SPHKAP: variants seen among roughly 807,000 people sequenced by gnomAD.
SPHKAP encodes SPHK1 interactor, AKAP domain containing.
A neutral mutation model predicts 137.5 loss-of-function variants in SPHKAP; 67 were observed. That is an observed-to-expected ratio of 0.49 (90% CI 0.40 to 0.60). The LOEUF is 0.60. Among genes scored for constraint, SPHKAP ranks in the 20% least tolerant of loss-of-function variants. The probability of loss-of-function intolerance (pLI) is 0.00; values close to 1 mark genes in which losing one functional copy is unlikely to be tolerated. For synonymous variants in SPHKAP, 813 were observed against 785.3 expected (o/e 1.04, Z -0.59); for missense variants, 2,097 against 2,069.3 (o/e 1.01, Z -0.26).
intron 11 of SPHKAP, chr2:227,982,491 G>T: frequency 2.5e-6 from 1 of 396,652 alleles, no homozygotes; most frequent in Non-Finnish European, 3.4e-6. Flanking sequence ...TAGAGAGAAA[G>T]TCTGGACTGC....
At chr2:228,085,977 C>G (rs192964255) in intron 3 of SPHKAP, among the ~76,000 whole-genome samples, 125 of 152,232 alleles carry the variant, frequency 8.2e-4, no homozygotes, top group African/African-American at 2.9e-3. Flanking sequence ...CTACCTCTAA[C>G]AGAAGACATG....
chr2:227,996,055 G>A, intron 7 of SPHKAP: 1 of 984,330 alleles, frequency 1.0e-6, no homozygotes, highest in Non-Finnish European at 1.2e-6. Context: ...CAGTGTTTCT[G>A]GAAGGAGGTC....
At chr2:228,003,629 C>T (rs1405659261) in intron 7 of SPHKAP, among the ~76,000 whole-genome samples, 1 of 152,176 alleles carries the variant, frequency 6.6e-6, no homozygotes, top group Non-Finnish European at 1.5e-5. Flanking sequence ...AAGGGCATCC[C>T]TGTCTTGTGC....
intron 1 of SPHKAP, among the ~76,000 whole-genome samples, chr2:228,170,670 C>T (rs1221360772): frequency 1.3e-5 from 2 of 152,078 alleles, no homozygotes; most frequent in East Asian, 3.8e-4. Context: ...TATGGTTTTA[C>T]ACATAATACT....
intron 3 of SPHKAP, among the ~76,000 whole-genome samples, chr2:228,028,806 A>G (rs1464661150): frequency 6.6e-6 from 1 of 152,230 alleles, no homozygotes; most frequent in Non-Finnish European, 1.5e-5. Flanking sequence ...TTCTCATAAC[A>G]TGTCCCTAAC....
In SPHKAP at chr2:228,053,541, G is replaced by T. The variant is rs879607118; in HGVS notation, c.247-25998C>A. ...GCTGGGGGGAGTGTCTTAGTGGATA[G>T]ATTTTCACTTAAACTCATTTTTCAG... On this transcript the variant is annotated intron_variant, in intron 3 of 11. Coordinates refer to ENST00000392056, the MANE Select transcript of SPHKAP (RefSeq NM_001142644.2). Among the ~76,000 whole-genome samples, 4 of 152,006 alleles carry T rather than the reference G, an allele frequency of 2.6e-5. No homozygotes were observed. In the East Asian group the frequency reaches 7.7e-4, roughly 29 times the overall value.
intron 5 of SPHKAP, among the ~76,000 whole-genome samples, chr2:228,024,350 T>G (rs893850383): frequency 1.6e-5 from 2 of 124,958 alleles, no homozygotes; most frequent in African/African-American, 6.4e-5. Flanking sequence ...CAGTTTTTTT[T>G]TTTTTTTTTT....
intron 1 of SPHKAP, among the ~76,000 whole-genome samples, chr2:228,167,205 G>C (rs1700446586): frequency 6.6e-6 from 1 of 152,158 alleles, no homozygotes; most frequent in Admixed American, 6.5e-5. Context: ...TCTCTGAATA[G>C]TGAATCTCTT....
chr2:228,095,752 T>C (rs1574845435), intron 3 of SPHKAP, among the ~76,000 whole-genome samples: 1 of 152,070 alleles, frequency 6.6e-6, no homozygotes, highest in East Asian at 1.9e-4. Flanking sequence ...TAAAGGACAG[T>C]TGGAGAAACG....
intron 3 of SPHKAP, among the ~76,000 whole-genome samples, chr2:228,092,276 T>C (rs1697789247): frequency 7.0e-6 from 1 of 143,316 alleles, no homozygotes; most frequent in African/African-American, 2.6e-5. Flanking sequence ...CACACACACG[T>C]GTATGTGCGT....
intron 3 of SPHKAP, among the ~76,000 whole-genome samples, chr2:228,059,771 C>G (rs1471378520): frequency 4.6e-5 from 7 of 152,170 alleles, no homozygotes; most frequent in Non-Finnish European, 1.0e-4. Flanking sequence ...CTCAGTGTTA[C>G]AGGGAGTACA....
intron 4 of SPHKAP, among the ~76,000 whole-genome samples, chr2:228,026,109 A>G (rs1052696709): frequency 6.6e-6 from 1 of 152,116 alleles, no homozygotes; most frequent in African/African-American, 2.4e-5. Flanking sequence ...GCTGCCATCC[A>G]CATGAGATGT....
At chr2:228,105,914 G>A (rs2106344195) in intron 3 of SPHKAP, among the ~76,000 whole-genome samples, 1 of 152,096 alleles carries the variant, frequency 6.6e-6, no homozygotes, top group East Asian at 1.9e-4. Context: ...CATGTAAACA[G>A]ACTAATACAC....
At chr2:228,043,231 C>T (rs143625607) in intron 3 of SPHKAP, among the ~76,000 whole-genome samples, 228 of 152,244 alleles carry the variant, frequency 1.5e-3, no homozygotes, top group African/African-American at 5.2e-3. Context: ...CCCGTGAATC[C>T]AAGGCATAAT....
chr2:228,117,167 T>C lies in SPHKAP; in HGVS notation c.139-8228A>G, dbSNP rs1434176202. ...TGTGTCCCACACTTTTCTCCCTACA[T>C]GCCATTGGTACAGAGCAGCTGCTTG... On this transcript the variant is annotated intron_variant, in intron 2 of 11. Transcript: ENST00000392056. Among the ~76,000 whole-genome samples the C allele has an allele frequency of 3.9e-5, 6 of 152,292 alleles. No individual in the cohort carries two copies. The East Asian group carries it at 1.2e-3, about 29-fold the overall frequency.
intron 1 of SPHKAP, among the ~76,000 whole-genome samples, chr2:228,146,768 T>G (rs1699789315): frequency 6.6e-6 from 1 of 152,248 alleles, no homozygotes; most frequent in African/African-American, 2.4e-5. Flanking sequence ...TATTCCATGG[T>G]GTATATGTAC....
In SPHKAP at chr2:228,153,806, G is replaced by A. The variant is rs545023802; in HGVS notation, c.33-21721C>T. The stretch of plus-strand genomic sequence containing the variant: ...ATATTTCTGGAACAGAAATTCACAG[G>A]CATTTAACATTTATCTGACAGTGTT... On this transcript the variant is annotated intron_variant, in intron 1 of 11. Transcript: ENST00000392056. Among the ~76,000 whole-genome samples the A allele has an allele frequency of 2.5e-4, 38 of 152,198 alleles. No homozygotes were observed. In the South Asian group the frequency reaches 4.1e-3, roughly 17 times the overall value.
chr2:228,073,421 C>A (rs560673945), intron 3 of SPHKAP, among the ~76,000 whole-genome samples: 1 of 152,190 alleles, frequency 6.6e-6, no homozygotes, highest in African/African-American at 2.4e-5. Flanking sequence ...AGTAATTATA[C>A]GGATATGTGC....
chr2:228,066,103 TAG>T (rs1401149596), intron 3 of SPHKAP, among the ~76,000 whole-genome samples: 3 of 152,174 alleles, frequency 2.0e-5, no homozygotes, highest in Non-Finnish European at 4.4e-5. Flanking sequence ...ATTATGTCCT[TAG>T]AGACTAAGAG....
Sources: gnomAD v4.1 joint callset for allele counts (sites outside exome capture counted in the v4.1 genomes callset) on GRCh38, gnomAD v4.1.1 for gene constraint, MANE v1.5 for transcripts, NCBI Gene and HGNC (gene_info 2026-07-23, HGNC 2026-07-21) for gene names.